The following ZBTB20 variants were observed in gnomAD, a reference collection of about 807,000 sequenced individuals.
ZBTB20 encodes the protein zinc finger and BTB domain-containing protein 20.
Under a neutral mutation model 56.9 loss-of-function variants are expected in ZBTB20, and 9 were observed. The ratio of observed to expected loss-of-function variants is 0.16; its 90% CI spans 0.10 to 0.28. ZBTB20 has a LOEUF of 0.28. Among genes scored for constraint, ZBTB20 ranks in the 10% least tolerant of loss-of-function variants. The probability of loss-of-function intolerance (pLI) is 1.00; values close to 1 mark genes in which losing one functional copy is unlikely to be tolerated. For synonymous variants in ZBTB20, 417 were observed against 420.7 expected (o/e 0.99, Z 0.11); for missense variants, 655 against 1,003.0 (o/e 0.65, Z 4.69).
At chr3:115,079,811 A>G (rs1241867239) in intron 1 of ZBTB20, among the ~76,000 whole-genome samples, 1 of 152,224 alleles carries the variant, frequency 6.6e-6, no homozygotes, top group African/African-American at 2.4e-5. Flanking sequence ...TCAATTGCAT[A>G]TTATCCATAC....
intron 4 of ZBTB20, among the ~76,000 whole-genome samples, chr3:114,894,066 A>T (rs992200596): frequency 6.6e-6 from 1 of 151,990 alleles, no homozygotes; most frequent in African/African-American, 2.4e-5. Flanking sequence ...AAAAACCTTA[A>T]ATGTTCAAAG....
chr3:114,647,522 A>C (rs1003145110), intron 6 of ZBTB20, among the ~76,000 whole-genome samples: 2 of 152,192 alleles, frequency 1.3e-5, no homozygotes, highest in African/African-American at 4.8e-5. Flanking sequence ...CAATTTCCTT[A>C]GGTTGAGTGA....
At chr3:114,954,990 C>A (rs1345706008) in intron 3 of ZBTB20, among the ~76,000 whole-genome samples, 1 of 152,164 alleles carries the variant, frequency 6.6e-6, no homozygotes, top group Non-Finnish European at 1.5e-5. Context: ...CTAAAGGAAA[C>A]TTCTTGTCTG....
chr3:114,676,250 AG>A (rs1320450830), intron 6 of ZBTB20, among the ~76,000 whole-genome samples: 1 of 152,214 alleles, frequency 6.6e-6, no homozygotes, highest in Admixed American at 6.5e-5. Flanking sequence ...ATAACACAGT[AG>A]TTAAAAACTT....
At chr3:115,100,636 A>G (rs758867052) in intron 1 of ZBTB20, 1 of 152,176 alleles carries the variant, frequency 6.6e-6, no homozygotes, top group Non-Finnish European at 1.5e-5. Flanking sequence ...ACAGTTTAAG[A>G]GCAGCTGGCT....
At chr3:114,583,039 A>G (rs756859621) in intron 6 of ZBTB20, among the ~76,000 whole-genome samples, 2 of 152,240 alleles carry the variant, frequency 1.3e-5, no homozygotes, top group Non-Finnish European at 2.9e-5. Context: ...CTTTACTTAC[A>G]TGAATTAACA....
intron 1 of ZBTB20, among the ~76,000 whole-genome samples, chr3:115,107,058 T>G (rs1165401178): frequency 2.0e-5 from 3 of 152,250 alleles, no homozygotes; most frequent in Non-Finnish European, 4.4e-5. Flanking sequence ...ATCCTTATCT[T>G]AAGATCTTGT....
intron 7 of ZBTB20, among the ~76,000 whole-genome samples, chr3:114,498,044 G>C (rs1411681652): frequency 1.3e-5 from 2 of 152,258 alleles, no homozygotes; most frequent in East Asian, 3.9e-4. Flanking sequence ...CTGCCACTAA[G>C]GCTGTAAATT....
intron 6 of ZBTB20, chr3:114,519,611 T>C (rs2942785): frequency 0.36 from 55,345 of 152,068 alleles, 11,159 homozygotes; most frequent in African/African-American, 0.55. Context: ...ATGGTTGCTC[T>C]AGTAATCTTG....
At chr3:115,037,845 T>C (rs938607888) in intron 2 of ZBTB20, among the ~76,000 whole-genome samples, 7 of 152,314 alleles carry the variant, frequency 4.6e-5, no homozygotes, top group African/African-American at 1.7e-4. Flanking sequence ...TACCTGTAAG[T>C]TGCTATTCCT....
intron 6 of ZBTB20, among the ~76,000 whole-genome samples, chr3:114,644,125 G>C (rs182993235): frequency 2.0e-5 from 3 of 152,024 alleles, no homozygotes; most frequent in Admixed American, 1.3e-4. Context: ...CAATTCCAAG[G>C]ATATTTAGGA....
At chr3:114,646,556 A>G (rs937420303) in intron 6 of ZBTB20, among the ~76,000 whole-genome samples, 1 of 152,248 alleles carries the variant, frequency 6.6e-6, no homozygotes, top group Admixed American at 6.5e-5. Flanking sequence ...GCCAAAAAAA[A>G]TCTCTCTCTT....
chr3:115,105,962 C>T (rs559290488), intron 1 of ZBTB20, among the ~76,000 whole-genome samples: 9 of 151,816 alleles, frequency 5.9e-5, no homozygotes, highest in African/African-American at 1.7e-4. Context: ...GGATTACAGG[C>T]GCGTGCCACC....
In ZBTB20 at chr3:114,330,770, A is replaced by G. The variant is rs1053760480; in HGVS notation, c.*8235T>C. On this transcript the variant is annotated 3_prime_UTR_variant, in exon 12 of 12. Coordinates refer to ENST00000675478, the MANE Select transcript of ZBTB20 (RefSeq NM_001348800.3). Reference sequence around the variant, plus strand: ...AGAAATAATGTACAAATCATAAAAAATAACAAACCATCTAGTAAAAGAAGG... The same window carrying G: ...AGAAATAATGTACAAATCATAAAAAGTAACAAACCATCTAGTAAAAGAAGG... The G allele has an allele frequency of 2.3e-5, 3 of 132,832 alleles. No homozygotes were observed. Among genetic ancestry groups the G allele is most frequent in the African/African-American group, 7.8e-5 (3 of 38,482 alleles). 8.2% of individuals were successfully genotyped at this position (132,832 alleles called of 1,614,324 possible). A position where few individuals can be genotyped will look rare whatever the true frequency, so the allele number is the denominator to read the frequency against.
intron 5 of ZBTB20, among the ~76,000 whole-genome samples, chr3:114,753,361 A>AT (rs372723817): frequency 6.9e-6 from 1 of 144,890 alleles, no homozygotes; most frequent in East Asian, 2.0e-4. Context: ...CATTATATAT[A>AT]ATGTATATAT....
At chr3:114,900,693 C>G (rs1369417143) in intron 3 of ZBTB20, 2 of 151,498 alleles carry the variant, frequency 1.3e-5, no homozygotes, top group Admixed American at 6.6e-5. Flanking sequence ...CTATTGCCTT[C>G]CTAATACAAA....
At chr3:114,795,074 A>C (rs1488552752) in intron 5 of ZBTB20, among the ~76,000 whole-genome samples, 3 of 152,222 alleles carry the variant, frequency 2.0e-5, no homozygotes, top group African/African-American at 7.2e-5. Flanking sequence ...ACTAGAAAGA[A>C]AATAAAATTA....
intron 5 of ZBTB20, among the ~76,000 whole-genome samples, chr3:114,710,680 C>T (rs527876247): frequency 6.0e-4 from 91 of 152,312 alleles, no homozygotes; most frequent in African/African-American, 2.1e-3. Context: ...CATCCCCTCC[C>T]CACTGCCATT....
chr3:115,147,002 G>A (rs1176787275), intron 1 of ZBTB20, among the ~76,000 whole-genome samples: 2 of 149,578 alleles, frequency 1.3e-5, no homozygotes, highest in Admixed American at 6.6e-5. Flanking sequence ...GCGGGGCGGG[G>A]CGGGGCGGGG....
Sources: allele counts gnomAD v4.1 joint callset (sites outside exome capture counted in the v4.1 genomes callset), GRCh38; gene constraint gnomAD v4.1.1; transcripts MANE v1.5; gene names NCBI Gene and HGNC (gene_info 2026-07-23, HGNC 2026-07-21).